SGPP2: variants seen among roughly 807,000 people sequenced by gnomAD.
SGPP2 encodes sphingosine-1-phosphate phosphatase 2.
In SGPP2, 30 loss-of-function variants were observed where a neutral mutation model predicts 33.9. That is an observed-to-expected ratio of 0.89 (90% confidence interval 0.66 to 1.20). SGPP2 has a LOEUF of 1.20. SGPP2 is among the 50% of genes most tolerant of loss of function. The pLI is 0.00. For missense variants in SGPP2, 458 were observed against 532.1 expected (o/e 0.86, Z 1.37); for synonymous variants, 233 against 225.0 (o/e 1.04, Z -0.32).
intron 1 of SGPP2, chr2:222,453,146 G>C (rs1697518548): frequency 1.3e-6 from 1 of 797,948 alleles, no homozygotes; most frequent in Non-Finnish European, 2.3e-6. Context: ...GAAGAGGAGA[G>C]ACAGTCGCAG....
rs577887545 is a variant in SGPP2, at chr2:222,477,071, A to G, written c.378+2345A>G. Among the ~76,000 whole-genome samples the G allele has an allele frequency of 4.2e-5, 6 of 143,534 alleles. No homozygotes were observed. The East Asian group carries it at 1.2e-3, about 28-fold the overall frequency. The allele number at this position is 143,534 out of a possible 152,430, so 94.2% of individuals were successfully genotyped here. A position where few individuals can be genotyped will look rare whatever the true frequency, so the allele number is the denominator to read the frequency against. On this transcript the variant is annotated intron_variant, in intron 2 of 4. Transcript: ENST00000321276. The surrounding 1 kb of genome is among the most constrained non-coding windows in gnomAD (Gnocchi z 6.0). ...TATAGGTGTGTATATATGTGTGTTT[A>G]TAGATATGTATATATTTGTGAATGT... is the stretch of plus-strand genomic sequence containing the variant.
Position 222,456,685 on chromosome 2 carries a change from G to A in SGPP2, c.220-17883G>A, listed in dbSNP as rs114009520. Among the ~76,000 whole-genome samples, 1,001 of 152,320 alleles carry A rather than the reference G, an allele frequency of 6.6e-3. 5 individuals carry two copies. Among genetic ancestry groups the A allele is most frequent in the Non-Finnish European group, 9.6e-3 (650 of 68,024 alleles). ...TGACAGATTCTAAGCATCTTCTGGG[G>A]TAGAATAGGATCTGAGTGGGAGTTA... On this transcript the variant is annotated intron_variant, in intron 1 of 4. Transcript: ENST00000321276.
intron 4 of SGPP2, among the ~76,000 whole-genome samples, chr2:222,527,216 A>G (rs937574952): frequency 2.6e-5 from 4 of 152,200 alleles, no homozygotes; most frequent in Non-Finnish European, 5.9e-5. Flanking sequence ...CTTTTTTTAG[A>G]CATAATGCAG....
At chr2:222,429,597 T>A (rs1267151813) in intron 1 of SGPP2, among the ~76,000 whole-genome samples, 1 of 152,196 alleles carries the variant, frequency 6.6e-6, no homozygotes, top group African/African-American at 2.4e-5. Flanking sequence ...TCAGCCCAAT[T>A]TTTAATGGCC....
At chr2:222,484,611 A>T (rs1009577393) in intron 2 of SGPP2, among the ~76,000 whole-genome samples, 2 of 152,082 alleles carry the variant, frequency 1.3e-5, no homozygotes, top group African/African-American at 2.4e-5. Flanking sequence ...TCTTACCGAG[A>T]AAAAACAAAC....
intron 4 of SGPP2, among the ~76,000 whole-genome samples, chr2:222,549,370 G>T (rs1689253705): frequency 6.6e-6 from 1 of 152,228 alleles, no homozygotes; most frequent in African/African-American, 2.4e-5. Context: ...ATGTGATGTA[G>T]GGTCAGAATT....
In SGPP2 at chr2:222,521,895, G is replaced by A. The variant is rs373078953; in HGVS notation, c.507G>A (p.Ala169=). Residue 169 remains alanine, a synonymous_variant, in exon 3 of 5, where the codon GCG becomes GCA. Transcript: ENST00000321276. ...EYGMPSTHAM[A]ATAIAFTLLI... ...GAATGCCATCCACCCACGCCATGGC[G>A]GCCACTGCCATTGCCTTCACCCTCC... is the stretch of plus-strand genomic sequence containing the variant. 53 of 1,606,096 alleles carry A rather than the reference G, an allele frequency of 3.3e-5. No homozygotes were observed. The highest frequency in any genetic ancestry group is 1.2e-4 in the African/African-American group (9 of 74,286).
At chr2:222,514,249 T>C (rs1207899738) in intron 2 of SGPP2, among the ~76,000 whole-genome samples, 1 of 152,256 alleles carries the variant, frequency 6.6e-6, no homozygotes, top group Non-Finnish European at 1.5e-5. Flanking sequence ...GTGCCAATGA[T>C]GGTAGCTGGG....
At chr2:222,499,160 G>T (rs1486883559) in intron 2 of SGPP2, among the ~76,000 whole-genome samples, 1 of 152,220 alleles carries the variant, frequency 6.6e-6, no homozygotes, top group Non-Finnish European at 1.5e-5. Flanking sequence ...GCCTTACAGT[G>T]GAAAGTGGAC....
intron 1 of SGPP2, among the ~76,000 whole-genome samples, chr2:222,459,146 T>C (rs190930053): frequency 5.2e-4 from 44 of 83,868 alleles, no homozygotes; most frequent in African/African-American, 6.5e-4. Flanking sequence ...TTCTTTCTTT[T>C]TTTTTTTTTT....
chr2:222,458,803 C>T lies in SGPP2; in HGVS notation c.220-15765C>T, dbSNP rs77305439. 3.0e-4 allele frequency among the ~76,000 whole-genome samples: 46 copies of T among 152,308 alleles called. No individual in the cohort carries two copies. In the East Asian group the frequency reaches 5.4e-3, roughly 18 times the overall value. On this transcript the variant is annotated intron_variant, in intron 1 of 4. Transcript: ENST00000321276. ...CATTCCCGTTTTCCTCACCTCACCC[C>T]CAGCCCAGCGCAAGCACTAATTGAC...
chr2:222,520,678 CG>C (rs1383279884), intron 2 of SGPP2, among the ~76,000 whole-genome samples: 1 of 141,200 alleles, frequency 7.1e-6, no homozygotes, highest in Non-Finnish European at 1.5e-5. Flanking sequence ...TGCAGTGTGC[CG>C]GGTGCAGTGT....
At position 222,509,508 on chromosome 2, in the gene SGPP2, T is replaced by C. The variant is rs553253816; in HGVS notation, c.379-12259T>C. ...TCTGAAAATGAATCCTGTGTACTTA[T>C]GGTTGTGAGTAGTGGATTTTCAGCA... On this transcript the variant is annotated intron_variant, in intron 2 of 4. Coordinates refer to ENST00000321276, the MANE Select transcript of SGPP2 (RefSeq NM_152386.4). 1.6e-4 allele frequency among the ~76,000 whole-genome samples: 24 copies of C among 152,344 alleles called. 1 individual carries two copies. The South Asian group carries it at 5.0e-3, about 32-fold the overall frequency.
At chr2:222,494,134 C>T (rs949897760) in intron 2 of SGPP2, among the ~76,000 whole-genome samples, 4 of 152,198 alleles carry the variant, frequency 2.6e-5, no homozygotes, top group South Asian at 2.1e-4. Context: ...CCTTCCCTGT[C>T]TGTAAAACCA....
chr2:222,515,832 A>T (rs1031245747), intron 2 of SGPP2, among the ~76,000 whole-genome samples: 1 of 152,028 alleles, frequency 6.6e-6, no homozygotes, highest in Non-Finnish European at 1.5e-5. Flanking sequence ...TGAGGTCAGG[A>T]GTTCAAGGCC....
At chr2:222,541,031 C>G (rs899727352) in intron 4 of SGPP2, among the ~76,000 whole-genome samples, 3 of 152,050 alleles carry the variant, frequency 2.0e-5, no homozygotes, top group Admixed American at 6.5e-5. Flanking sequence ...GTTGGCCAGG[C>G]TGGTCTCGAA....
intron 4 of SGPP2, among the ~76,000 whole-genome samples, chr2:222,538,092 T>C (rs1698940084): frequency 6.6e-6 from 1 of 152,182 alleles, no homozygotes; most frequent in Non-Finnish European, 1.5e-5. Flanking sequence ...TACTGTTTAA[T>C]TTCTGTGACC....
chr2:222,442,082 A>G (rs1234250047), intron 1 of SGPP2, among the ~76,000 whole-genome samples: 1 of 152,206 alleles, frequency 6.6e-6, no homozygotes, highest in African/African-American at 2.4e-5. Context: ...TTCTTAATGC[A>G]CTGAAAGATT....
At chr2:222,546,672 A>T (rs575895492) in intron 4 of SGPP2, among the ~76,000 whole-genome samples, 1 of 152,236 alleles carries the variant, frequency 6.6e-6, no homozygotes, top group African/African-American at 2.4e-5. Context: ...GCATGAGAGC[A>T]CCCATGTCTC....
Sources: gnomAD v4.1 joint callset for allele counts (sites outside exome capture counted in the v4.1 genomes callset) on GRCh38, gnomAD v4.1.1 for gene constraint, Gnocchi (gnomAD v3.1) non-coding constraint, MANE v1.5 for transcripts, NCBI Gene and HGNC (gene_info 2026-07-23, HGNC 2026-07-21) for gene names.